Variants in RTL4 observed in about 807,000 individuals in gnomAD.
The protein encoded by RTL4 is retrotransposon Gag like 4.
In RTL4, 4 loss-of-function variants were observed where a neutral mutation model predicts 5.3. The ratio of observed to expected loss-of-function variants is 0.75; its 90% CI spans 0.37 to 1.72. The LOEUF (loss-of-function observed/expected upper bound fraction) is 1.72. RTL4 is among the 40% of genes most tolerant of loss of function. The probability of loss-of-function intolerance (pLI) is 0.04; values close to 1 mark genes in which losing one functional copy is unlikely to be tolerated. For synonymous variants in RTL4, 98 were observed against 87.3 expected (o/e 1.12, Z -0.68); for missense variants, 260 against 227.1 (o/e 1.14, Z -0.93).
the RTL4 span, among the ~76,000 whole-genome samples, chrX:112,334,537 T>G: frequency 9.0e-6 from 1 of 111,591 alleles, no homozygotes; most frequent in South Asian, 3.8e-4. Flanking sequence ...TTTTGGGTTT[T>G]TGGATTTGGG....
At chrX:112,148,662 T>C in the RTL4 span, among the ~76,000 whole-genome samples, 1 of 111,829 alleles carries the variant, frequency 8.9e-6, no homozygotes, top group Non-Finnish European at 1.9e-5. Context: ...TTGACCTGGG[T>C]TTGAAACCCA....
chrX:112,168,826 C>T, the RTL4 span, among the ~76,000 whole-genome samples: 3 of 111,600 alleles, frequency 2.7e-5, no homozygotes, highest in African/African-American at 9.8e-5. Flanking sequence ...GAGCCCATGC[C>T]TCTGCTCTGC....
the RTL4 span, among the ~76,000 whole-genome samples, chrX:112,258,397 A>T: frequency 3.6e-3 from 395 of 111,266 alleles, 1 homozygote; most frequent in African/African-American, 0.012. Flanking sequence ...GAAAATGAAT[A>T]TGTGGTAATT....
At chrX:112,398,317 T>C in the RTL4 span, among the ~76,000 whole-genome samples, 4 of 110,710 alleles carry the variant, frequency 3.6e-5, no homozygotes, top group African/African-American at 1.3e-4. Context: ...TTTGTTGTAC[T>C]AAACTTTTAT....
chrX:112,192,075 GTT>G, the RTL4 span, among the ~76,000 whole-genome samples: 14,629 of 78,598 alleles, frequency 0.19, 956 homozygotes, highest in Non-Finnish European at 0.2. Context: ...AAATACTAGG[GTT>G]TTTTTTTTTT....
the RTL4 span, among the ~76,000 whole-genome samples, chrX:112,340,767 C>T: frequency 2.7e-5 from 3 of 110,733 alleles, no homozygotes; most frequent in African/African-American, 9.8e-5. Context: ...CCCAGGCTGG[C>T]GTGCAGTGGT....
the RTL4 span, among the ~76,000 whole-genome samples, chrX:112,207,161 T>C: frequency 8.9e-6 from 1 of 111,806 alleles, no homozygotes; most frequent in African/African-American, 3.3e-5. Context: ...CCAGGACTAA[T>C]CCTTTACAAA....
chrX:112,341,203 G>T, the RTL4 span, among the ~76,000 whole-genome samples: 1 of 110,101 alleles, frequency 9.1e-6, no homozygotes, highest in Non-Finnish European at 1.9e-5. Flanking sequence ...ACAGTTAAGT[G>T]TGGCTAACAA....
At chrX:112,332,017 G>T in the RTL4 span, among the ~76,000 whole-genome samples, 6 of 107,140 alleles carry the variant, frequency 5.6e-5, no homozygotes, top group Admixed American at 1.0e-4. Flanking sequence ...GTGGGGTGGG[G>T]GGAAGGGGGA....
chrX:112,164,035 T>C, the RTL4 span, among the ~76,000 whole-genome samples: 2 of 112,139 alleles, frequency 1.8e-5, no homozygotes, highest in Non-Finnish European at 1.9e-5. Flanking sequence ...ATTCCATCAG[T>C]AAAATGCTGT....
chrX:112,387,745 T>C, the RTL4 span, among the ~76,000 whole-genome samples: 1 of 112,083 alleles, frequency 8.9e-6, no homozygotes, highest in Non-Finnish European at 1.9e-5. Context: ...TGCAGTCTTA[T>C]TCCTGGGCTG....
At chrX:112,351,928 T>C in the RTL4 span, among the ~76,000 whole-genome samples, 1 of 111,774 alleles carries the variant, frequency 8.9e-6, no homozygotes, top group Non-Finnish European at 1.9e-5. Context: ...AGCTGGTTCT[T>C]TTGCTCTTTA....
chrX:112,433,842 C>T, the RTL4 span, among the ~76,000 whole-genome samples: 1 of 66,493 alleles, frequency 1.5e-5, no homozygotes, highest in East Asian at 4.4e-4. Context: ...CAGTTTTTGC[C>T]CATTCAGTAT....
At chrX:112,245,119 C>T in the RTL4 span, among the ~76,000 whole-genome samples, 9 of 111,473 alleles carry the variant, frequency 8.1e-5, no homozygotes, top group East Asian at 8.5e-4. Context: ...TCTCTGGCTG[C>T]GCCTATCATT....
the RTL4 span, among the ~76,000 whole-genome samples, chrX:112,274,101 A>G: frequency 8.9e-6 from 1 of 112,223 alleles, no homozygotes; most frequent in East Asian, 2.8e-4. Context: ...TGATCACACC[A>G]CTAGCAAATA....
the RTL4 span, among the ~76,000 whole-genome samples, chrX:112,330,888 G>C: frequency 6.3e-5 from 7 of 110,800 alleles, no homozygotes; most frequent in African/African-American, 2.0e-4. Flanking sequence ...ACAAACCTGA[G>C]AAAAACAAGA....
the RTL4 span, among the ~76,000 whole-genome samples, chrX:112,238,916 G>A: frequency 8.9e-6 from 1 of 111,871 alleles, no homozygotes; most frequent in East Asian, 2.8e-4. Flanking sequence ...GTGGAGCCAA[G>A]CACTGAAGCA....
At chrX:112,405,633 T>A in the RTL4 span, among the ~76,000 whole-genome samples, 1 of 111,406 alleles carries the variant, frequency 9.0e-6, no homozygotes, top group African/African-American at 3.3e-5. Flanking sequence ...GCATTCTAAA[T>A]GCTTATTAAC....
the RTL4 span, among the ~76,000 whole-genome samples, chrX:112,161,625 T>C: frequency 7.2e-5 from 8 of 111,514 alleles, no homozygotes; most frequent in Non-Finnish European, 1.5e-4. Context: ...GTCTCTGCCA[T>C]TGAAGCAAAA....
Sources: gnomAD v4.1 joint callset for allele counts (sites outside exome capture counted in the v4.1 genomes callset) on GRCh38, gnomAD v4.1.1 for gene constraint, MANE v1.5 for transcripts, NCBI Gene and HGNC (gene_info 2026-07-23, HGNC 2026-07-21) for gene names.